NTM: variants seen among roughly 807,000 people sequenced by gnomAD.
NTM encodes IgLON family member 2.
In NTM, 13 loss-of-function variants were observed where a neutral mutation model predicts 42.1. The ratio of observed to expected loss-of-function variants is 0.31; its 90% CI spans 0.20 to 0.49. The LOEUF is 0.49. Ranked by LOEUF, NTM falls within the 20% of genes least tolerant of loss-of-function variation. The pLI is 0.99. For missense variants in NTM, 373 were observed against 452.8 expected (o/e 0.82, Z 1.60); for synonymous variants, 187 against 179.2 (o/e 1.04, Z -0.35).
intron 4 of NTM, among the ~76,000 whole-genome samples, chr11:132,301,293 G>A (rs2094844996): frequency 6.6e-6 from 1 of 152,058 alleles, no homozygotes; most frequent in African/African-American, 2.4e-5. Context: ...AACGGGATGG[G>A]GGAAACCACT....
intron 1 of NTM, chr11:131,538,370 G>A (rs559633854): frequency 1.3e-5 from 2 of 152,170 alleles, no homozygotes; most frequent in Admixed American, 1.3e-4. Context: ...ACTAGCATTG[G>A]TGTCTGCAGA....
chr11:131,767,699 A>C (rs1334812510), intron 1 of NTM, among the ~76,000 whole-genome samples: 1 of 152,154 alleles, frequency 6.6e-6, no homozygotes, highest in Non-Finnish European at 1.5e-5. Context: ...CAGCATCCAG[A>C]ACTGTGAGAA....
chr11:131,517,801 T>C (rs960959651), intron 1 of NTM, among the ~76,000 whole-genome samples: 1 of 152,180 alleles, frequency 6.6e-6, no homozygotes. Context: ...CCCACTCTTT[T>C]GAACTTCCCT....
chr11:132,039,829 G>A (rs536366245), intron 2 of NTM, among the ~76,000 whole-genome samples: 19 of 144,302 alleles, frequency 1.3e-4, no homozygotes, highest in South Asian at 4.4e-4. Context: ...CGCAGTTTCC[G>A]CACCAGTAAA....
At chr11:132,307,998 T>A (rs1183738894) in intron 5 of NTM, among the ~76,000 whole-genome samples, 175 bp downstream of exon 5, 1 of 152,206 alleles carries the variant, frequency 6.6e-6, no homozygotes, top group African/African-American at 2.4e-5. Context: ...TTTTTGACAC[T>A]TCAAGGTGTC....
At chr11:131,898,864 AG>A (rs1365365013) in intron 1 of NTM, among the ~76,000 whole-genome samples, 1 of 152,166 alleles carries the variant, frequency 6.6e-6, no homozygotes, top group Non-Finnish European at 1.5e-5. Flanking sequence ...CCTTCTGTTG[AG>A]GCCAACGCTG....
intron 1 of NTM, among the ~76,000 whole-genome samples, chr11:131,889,513 C>T (rs563924927): frequency 2.7e-4 from 41 of 152,280 alleles, no homozygotes; most frequent in African/African-American, 8.4e-4. Flanking sequence ...GTGACTTTGA[C>T]GGCCCAGTGT....
chr11:131,584,895 C>T (rs2058720264), intron 1 of NTM, among the ~76,000 whole-genome samples: 1 of 152,120 alleles, frequency 6.6e-6, no homozygotes, highest in Non-Finnish European at 1.5e-5. Flanking sequence ...TGCATCGGGC[C>T]TGGTGCTGCC....
intron 1 of NTM, among the ~76,000 whole-genome samples, chr11:131,401,834 A>ATATATATATATATGTGTG (rs1945246765): frequency 2.3e-5 from 2 of 86,258 alleles, no homozygotes; most frequent in African/African-American, 8.4e-5. Flanking sequence ...ATATATATAT[A>ATATATATATATATGTGTG]TATATATATA....
rs111909615 is a variant in NTM, at chr11:131,778,758, C to T, written c.83-132806C>T. On this transcript the variant is annotated intron_variant, in intron 1 of 8. Transcript: ENST00000683400. ...ACTTCTGATGACTAGCTCAATTTTC[C>T]GGTTAACTATTGTAGTAGGGAGAAC... 5.1e-3 allele frequency among the ~76,000 whole-genome samples: 773 copies of T among 152,198 alleles called. 8 individuals are homozygous for T. The highest frequency in any genetic ancestry group is 0.018 in the African/African-American group (737 of 41,516).
intron 1 of NTM, among the ~76,000 whole-genome samples, chr11:131,602,709 C>T (rs2060596111): frequency 2.0e-5 from 3 of 152,188 alleles, no homozygotes. Flanking sequence ...TCCACTTGGA[C>T]ACCTTTCAGA....
intron 3 of NTM, among the ~76,000 whole-genome samples, chr11:132,150,628 G>C (rs1022153359): frequency 6.6e-6 from 1 of 152,062 alleles, no homozygotes; most frequent in African/African-American, 2.4e-5. Context: ...TGGAGTAATG[G>C]ATTTCCTAGG....
intron 7 of NTM, 144 bp downstream of exon 7, chr11:132,314,847 C>T (rs978686521): frequency 1.4e-6 from 2 of 1,385,756 alleles, no homozygotes; most frequent in Non-Finnish European, 1.9e-6. Flanking sequence ...GAGAGAGACA[C>T]AGAAAGAAAT....
chr11:131,974,738 TAG>T (rs1485061306), intron 2 of NTM, among the ~76,000 whole-genome samples: 1 of 152,146 alleles, frequency 6.6e-6, no homozygotes, highest in Non-Finnish European at 1.5e-5. Flanking sequence ...TTTTTTCTCA[TAG>T]AGTTATTGTG....
chr11:131,607,640 G>A lies in NTM; in HGVS notation c.82+236752G>A, dbSNP rs374535503. Among the ~76,000 whole-genome samples the A allele has an allele frequency of 1.6e-4, 25 of 152,266 alleles. 2 individuals are homozygous for A. The highest frequency in any genetic ancestry group is 5.3e-4 in the African/African-American group (22 of 41,550). On this transcript the variant is annotated intron_variant, in intron 1 of 8. Coordinates refer to ENST00000683400, the MANE Select transcript of NTM (RefSeq NM_001352005.2). The stretch of plus-strand genomic sequence containing the variant: ...CTGTAATGAACACTAGTTGCAAAAT[G>A]CTAGACCAGCTGTGTGAACCCTCCA...
chr11:132,279,638 CA>C (rs1324203377), intron 4 of NTM, among the ~76,000 whole-genome samples: 3 of 152,312 alleles, frequency 2.0e-5, no homozygotes, highest in Admixed American at 6.5e-5. Flanking sequence ...TCCTTTCCGC[CA>C]TTGATCTTCC....
At chr11:132,218,473 T>C (rs754300241) in intron 4 of NTM, among the ~76,000 whole-genome samples, 1 of 152,120 alleles carries the variant, frequency 6.6e-6, no homozygotes, top group Non-Finnish European at 1.5e-5. Flanking sequence ...AACCTGGAAG[T>C]CGCCCAAGTC....
rs145004908 is a variant in NTM, at chr11:132,335,099, G to A, written c.1021G>A (p.Val341Ile). 7.4e-5 allele frequency: 119 copies of A among 1,612,690 alleles called. 1 individual carries two copies. The highest frequency in any genetic ancestry group is 4.8e-4 in the African/African-American group (36 of 74,984). Residue 341 changes from valine (V) to isoleucine (I), a missense_variant, in exon 9 of 9, where the codon GTC (valine) becomes ATC (isoleucine). By Grantham distance (29) the Val-to-Ile change is conservative (BLOSUM62 3). Around this residue, in one of 3 missense-constraint regions of NTM, gnomAD observed 312 missense variants for 353.5 expected, o/e 0.88. Transcript: ENST00000683400. ...CGGCACGTCGAGGAGGGCAGGCTGC[G>A]TCTGGCTGCTGCCTCTTCTGGTCTT... is the stretch of plus-strand genomic sequence containing the variant. ...SNGTSRRAGC[V>I]WLLPLLVLHL...
At chr11:131,449,953 A>G (rs1950360596) in intron 1 of NTM, among the ~76,000 whole-genome samples, 1 of 152,152 alleles carries the variant, frequency 6.6e-6, no homozygotes, top group African/African-American at 2.4e-5. Context: ...TTACTCACGC[A>G]CGCATTGGAT....
Sources: gnomAD v4.1 joint callset for allele counts (sites outside exome capture counted in the v4.1 genomes callset) on GRCh38, gnomAD v4.1.1 for gene constraint, gnomAD v4.1.1 regional missense constraint, MANE v1.5 for transcripts, NCBI Gene and HGNC (gene_info 2026-07-23, HGNC 2026-07-21) for gene names.